NPAS3: variants seen among roughly 807,000 people sequenced by gnomAD.
NPAS3 encodes the protein neuronal PAS domain protein 3, also known as neuronal PAS domain-containing protein 3.
Under a neutral mutation model 73.1 loss-of-function variants are expected in NPAS3, and 14 were observed. That is an observed-to-expected ratio of 0.19 (90% CI 0.13 to 0.30). The LOEUF (loss-of-function observed/expected upper bound fraction) is 0.30. Among genes scored for constraint, NPAS3 ranks in the 10% least tolerant of loss-of-function variants. The pLI, the probability that NPAS3 is intolerant of heterozygous loss-of-function variation, is 1.00. For missense variants in NPAS3, 1,096 were observed against 1,250.0 expected (o/e 0.88, Z 1.86); for synonymous variants, 620 against 541.5 (o/e 1.14, Z -2.01).
At chr14:33,174,873 G>A (rs1294513962) in intron 2 of NPAS3, among the ~76,000 whole-genome samples, 1 of 152,086 alleles carries the variant, frequency 6.6e-6, no homozygotes, top group Non-Finnish European at 1.5e-5. Flanking sequence ...GGTGTGTCAG[G>A]GATTCCATGG....
intron 2 of NPAS3, among the ~76,000 whole-genome samples, chr14:33,149,561 C>T (rs2139232026): frequency 6.6e-6 from 1 of 152,174 alleles, no homozygotes; most frequent in Non-Finnish European, 1.5e-5. Flanking sequence ...GTCTAACTTT[C>T]CTTTAAAATT....
At chr14:33,544,837 ATATAT>A in intron 4 of NPAS3, among the ~76,000 whole-genome samples, 1 of 125,776 alleles carries the variant, frequency 8.0e-6, no homozygotes, top group East Asian at 2.1e-4. Context: ...ATGTGTATAT[ATATAT>A]TATATATATG....
At chr14:32,994,630 G>GTTTTTTTTTTTTTTTTT (rs777136450) in intron 1 of NPAS3, among the ~76,000 whole-genome samples, 2 of 123,600 alleles carry the variant, frequency 1.6e-5, no homozygotes, top group African/African-American at 3.6e-5. Flanking sequence ...TTGTTTGTTT[G>GTTTTTTTTTTTTTTTTT]TTTTTGTTTT....
rs893424047 is a variant in NPAS3 at position 33,370,361 on chromosome 14, C to T, written c.468+3093C>T. Reference sequence around the variant, plus strand: ...AGGCAAAGAAAAGGGAAGAATATTCCAACCAAAGGGTACATCAGACACAAA... The same window carrying T: ...AGGCAAAGAAAAGGGAAGAATATTCTAACCAAAGGGTACATCAGACACAAA... On this transcript the variant is annotated intron_variant, in intron 4 of 11. Coordinates refer to ENST00000356141, the Ensembl canonical transcript of NPAS3. Among the ~76,000 whole-genome samples the T allele has an allele frequency of 2.6e-5, 4 of 152,220 alleles. No homozygotes were observed. The East Asian group carries it at 5.8e-4, about 22-fold the overall frequency.
chr14:33,007,543 A>T (rs1391378279), intron 1 of NPAS3, among the ~76,000 whole-genome samples: 1 of 152,212 alleles, frequency 6.6e-6, no homozygotes, highest in Non-Finnish European at 1.5e-5. Context: ...GCATAGTTTC[A>T]GTTGTGGAAT....
chr14:33,120,603 C>T (rs1366286434), intron 2 of NPAS3, among the ~76,000 whole-genome samples: 3 of 152,090 alleles, frequency 2.0e-5, no homozygotes, highest in Non-Finnish European at 4.4e-5. Context: ...CATAATGACA[C>T]GCTACTCAAA....
chr14:33,221,066 C>G (rs972699611), intron 3 of NPAS3, among the ~76,000 whole-genome samples: 1 of 152,158 alleles, frequency 6.6e-6, no homozygotes, highest in Admixed American at 6.6e-5. Context: ...TCAGCGGGTG[C>G]CTCTGCTTTG....
intron 4 of NPAS3, among the ~76,000 whole-genome samples, chr14:33,369,085 A>G (rs2045965665): frequency 6.6e-6 from 1 of 152,190 alleles, no homozygotes; most frequent in Non-Finnish European, 1.5e-5. Flanking sequence ...TAAATTCAGT[A>G]TAAATATATA....
chr14:33,535,246 C>T (rs1160334949), intron 4 of NPAS3, among the ~76,000 whole-genome samples: 4 of 152,096 alleles, frequency 2.6e-5, no homozygotes, highest in Non-Finnish European at 4.4e-5. Flanking sequence ...TGAAATATCC[C>T]TTTTCACTAT....
chr14:33,788,599 T>C (rs752775758), intron 9 of NPAS3, among the ~76,000 whole-genome samples: 1 of 152,222 alleles, frequency 6.6e-6, no homozygotes, highest in Non-Finnish European at 1.5e-5. Context: ...ATCTTTGGCT[T>C]TGATTTTGTA....
intron 5 of NPAS3, among the ~76,000 whole-genome samples, chr14:33,598,466 TA>T (rs1245816968): frequency 6.6e-6 from 1 of 152,236 alleles, no homozygotes; most frequent in Non-Finnish European, 1.5e-5. Flanking sequence ...GTCTAAAACC[TA>T]GTGCCTTACA....
intron 4 of NPAS3, among the ~76,000 whole-genome samples, chr14:33,449,401 C>A (rs2049681641): frequency 6.6e-6 from 1 of 152,156 alleles, no homozygotes; most frequent in Admixed American, 6.5e-5. Context: ...GTTGTCATGG[C>A]TGCTTTCACA....
At chr14:33,020,595 A>G (rs1338557113) in intron 1 of NPAS3, among the ~76,000 whole-genome samples, 1 of 152,128 alleles carries the variant, frequency 6.6e-6, no homozygotes, top group Non-Finnish European at 1.5e-5. Flanking sequence ...CCATTTCTAC[A>G]GCCCTCAAAG....
intron 5 of NPAS3, among the ~76,000 whole-genome samples, chr14:33,573,870 T>G (rs1264488617): frequency 6.6e-6 from 1 of 152,174 alleles, no homozygotes; most frequent in East Asian, 1.9e-4. Context: ...GAAAGGTAAT[T>G]ACATTAGGGC....
chr14:33,470,794 C>G (rs1382889100), intron 4 of NPAS3, among the ~76,000 whole-genome samples: 1 of 152,076 alleles, frequency 6.6e-6, no homozygotes, highest in African/African-American at 2.4e-5. Flanking sequence ...TGGAATCCAA[C>G]TGAAGTTAAC....
At chr14:33,143,814 T>A (rs563432201) in intron 2 of NPAS3, among the ~76,000 whole-genome samples, 1 of 152,338 alleles carries the variant, frequency 6.6e-6, no homozygotes, top group African/African-American at 2.4e-5. Context: ...TGGAATCATA[T>A]AATATGTGGC....
intron 7 of NPAS3, among the ~76,000 whole-genome samples, chr14:33,762,626 C>T (rs978848642): frequency 2.0e-5 from 3 of 152,002 alleles, no homozygotes; most frequent in Admixed American, 1.3e-4. Flanking sequence ...CGAATAGCAG[C>T]GGGAATCAGT....
chr14:33,449,331 C>T (rs2049677455), intron 4 of NPAS3, among the ~76,000 whole-genome samples: 1 of 152,164 alleles, frequency 6.6e-6, no homozygotes, highest in Non-Finnish European at 1.5e-5. Flanking sequence ...CAAATCCAGC[C>T]CTCTGCCTGT....
chr14:33,513,775 G>GTT (rs139828883), intron 4 of NPAS3, among the ~76,000 whole-genome samples: 1 of 151,914 alleles, frequency 6.6e-6, no homozygotes, highest in South Asian at 2.1e-4. Context: ...TTGCTGCAGA[G>GTT]TTTTTTTGAC....
Sources: allele counts gnomAD v4.1 joint callset (sites outside exome capture counted in the v4.1 genomes callset), GRCh38; gene constraint gnomAD v4.1.1; transcripts MANE v1.5; gene names NCBI Gene and HGNC (gene_info 2026-07-23, HGNC 2026-07-21).